The following REEP3 variants were observed in gnomAD, a reference collection of about 807,000 sequenced individuals.
REEP3 encodes receptor accessory protein 3, also known as receptor expression-enhancing protein 3.
Under a neutral mutation model 41.3 loss-of-function variants are expected in REEP3, and 20 were observed. The observed-to-expected ratio is 0.48, with a 90% CI of 0.34 to 0.70. REEP3 has a LOEUF of 0.70. REEP3 is among the 30% of genes least tolerant of loss of function. The probability of loss-of-function intolerance (pLI) is 0.01; values close to 1 mark genes in which losing one functional copy is unlikely to be tolerated. For missense variants in REEP3, 271 were observed against 308.8 expected (o/e 0.88, Z 0.92); for synonymous variants, 104 against 101.8 (o/e 1.02, Z -0.13).
chr10:63,571,563 A>G (rs1290884574), intron 2 of REEP3, among the ~76,000 whole-genome samples: 1 of 152,158 alleles, frequency 6.6e-6, no homozygotes, highest in Non-Finnish European at 1.5e-5. Context: ...TTGTGATTAC[A>G]TTGGGCCCAC....
intron 1 of REEP3, among the ~76,000 whole-genome samples, chr10:63,550,890 A>T (rs969053434): frequency 2.0e-5 from 3 of 152,244 alleles, no homozygotes; most frequent in African/African-American, 7.2e-5. Flanking sequence ...GTCTTAATGC[A>T]AAGTTATTTA....
chr10:63,576,011 G>A (rs901800689), intron 2 of REEP3, among the ~76,000 whole-genome samples: 3 of 152,216 alleles, frequency 2.0e-5, no homozygotes, highest in Non-Finnish European at 4.4e-5. Context: ...GGGATTACAG[G>A]TGTGAGCCAC....
chr10:63,570,385 T>C (rs1955842038), intron 2 of REEP3, among the ~76,000 whole-genome samples: 4 of 152,224 alleles, frequency 2.6e-5, no homozygotes, highest in Admixed American at 2.6e-4. Context: ...GAATACTCAT[T>C]AATAAAGCTG....
At chr10:63,550,961 TAAC>T (rs1040598323) in intron 1 of REEP3, among the ~76,000 whole-genome samples, 2 of 152,138 alleles carry the variant, frequency 1.3e-5, no homozygotes, top group Non-Finnish European at 2.9e-5. Flanking sequence ...AATCAAAAGG[TAAC>T]AATAATCTAT....
intron 1 of REEP3, among the ~76,000 whole-genome samples, chr10:63,547,966 C>A (rs1452052205): frequency 6.6e-6 from 1 of 152,208 alleles, no homozygotes; most frequent in Non-Finnish European, 1.5e-5. Context: ...TGCCTATTTT[C>A]TTCTAATGCT....
intron 2 of REEP3, among the ~76,000 whole-genome samples, chr10:63,589,843 G>A (rs1054085621): frequency 5.3e-5 from 6 of 113,672 alleles, no homozygotes; most frequent in Non-Finnish European, 9.9e-5. Context: ...TGCCCATGTT[G>A]GAGTATAGTG....
At chr10:63,556,674 C>T (rs1180436467) in intron 1 of REEP3, among the ~76,000 whole-genome samples, 1 of 117,666 alleles carries the variant, frequency 8.5e-6, no homozygotes, top group Non-Finnish European at 1.7e-5. Context: ...CTCGCTCTGT[C>T]GCCCAGGCTG....
chr10:63,539,875 A>T (rs962655003), intron 1 of REEP3, among the ~76,000 whole-genome samples: 2 of 152,178 alleles, frequency 1.3e-5, no homozygotes, highest in African/African-American at 4.8e-5. Flanking sequence ...GGTTTGAAAA[A>T]CATTACACTA....
chr10:63,607,125 T>C (rs918704182), intron 5 of REEP3, among the ~76,000 whole-genome samples: 2 of 152,354 alleles, frequency 1.3e-5, no homozygotes, highest in South Asian at 4.1e-4. Flanking sequence ...ATTGGATACA[T>C]GTAATTTACG....
At chr10:63,564,465 A>G (rs1471816759) in intron 1 of REEP3, among the ~76,000 whole-genome samples, 1 of 151,964 alleles carries the variant, frequency 6.6e-6, no homozygotes, top group Non-Finnish European at 1.5e-5. Flanking sequence ...TCTACTAAAA[A>G]TACAAAAATT....
intron 1 of REEP3, among the ~76,000 whole-genome samples, chr10:63,545,680 G>GTTTTTTTTTTTT (rs55779021): frequency 1.8e-5 from 1 of 55,414 alleles, no homozygotes; most frequent in Non-Finnish European, 3.2e-5. Context: ...GCCAACTTCT[G>GTTTTTTTTTTTT]TTTTTTTTTT....
chr10:63,595,170 A>T (rs1270393815), intron 3 of REEP3, among the ~76,000 whole-genome samples: 1 of 152,102 alleles, frequency 6.6e-6, no homozygotes, highest in Non-Finnish European at 1.5e-5. Context: ...TTCCTGTATC[A>T]CTTCCTAAAT....
intron 2 of REEP3, among the ~76,000 whole-genome samples, chr10:63,576,718 A>T (rs1431358579): frequency 6.6e-6 from 1 of 152,226 alleles, no homozygotes; most frequent in Non-Finnish European, 1.5e-5. Flanking sequence ...GGAGACTGGA[A>T]GTCCAAAATC....
At position 63,548,500 on chromosome 10, in the gene REEP3, A is replaced by G. The variant is rs192461697; in HGVS notation, c.33-17838A>G. On this transcript the variant is annotated intron_variant, in intron 1 of 7. Coordinates refer to ENST00000373758, the MANE Select transcript of REEP3 (RefSeq NM_001001330.3). ...TTAGACACTCCCCTGCATAAGCAGT[A>G]GTTTAGGTGCTTAATTTACATAATT... 8.9e-4 allele frequency among the ~76,000 whole-genome samples: 135 copies of G among 152,338 alleles called. 1 individual carries two copies. The highest frequency in any genetic ancestry group is 2.9e-3 in the African/African-American group (122 of 41,582).
chr10:63,530,102 T>C (rs1396098706), intron 1 of REEP3, among the ~76,000 whole-genome samples: 4 of 152,218 alleles, frequency 2.6e-5, no homozygotes, highest in African/African-American at 9.6e-5. Flanking sequence ...ATATTCATCT[T>C]TGCTATAATA....
At chr10:63,536,005 G>A (rs1291460724) in intron 1 of REEP3, among the ~76,000 whole-genome samples, 1 of 152,194 alleles carries the variant, frequency 6.6e-6, no homozygotes, top group Non-Finnish European at 1.5e-5. Context: ...AGCCTACCAT[G>A]TATCTGATGC....
intron 1 of REEP3, among the ~76,000 whole-genome samples, chr10:63,541,519 A>T (rs943776675): frequency 6.6e-6 from 1 of 152,240 alleles, no homozygotes; most frequent in Non-Finnish European, 1.5e-5. Context: ...AAGTGGTAGC[A>T]TTTAAACCCA....
intron 1 of REEP3, among the ~76,000 whole-genome samples, chr10:63,542,544 A>G (rs1427697375): frequency 6.6e-6 from 1 of 152,266 alleles, no homozygotes; most frequent in African/African-American, 2.4e-5. Flanking sequence ...ACAAAGAAGT[A>G]TATTATCTAT....
intron 3 of REEP3, among the ~76,000 whole-genome samples, chr10:63,595,766 C>CG (rs1437456452): frequency 2.0e-5 from 3 of 152,070 alleles, no homozygotes; most frequent in African/African-American, 7.2e-5. Context: ...TTAATAGAGA[C>CG]GGGGTTTCAC....
Sources: allele counts gnomAD v4.1 joint callset (sites outside exome capture counted in the v4.1 genomes callset), GRCh38; gene constraint gnomAD v4.1.1; transcripts MANE v1.5; gene names NCBI Gene and HGNC (gene_info 2026-07-23, HGNC 2026-07-21).